NEO1: variants seen among roughly 807,000 people sequenced by gnomAD.
NEO1 encodes the protein neogenin.
In NEO1, 63 loss-of-function variants were observed where a neutral mutation model predicts 159.7. That is an observed-to-expected ratio of 0.39 (90% CI 0.32 to 0.49). NEO1 has a LOEUF of 0.49. Ranked by LOEUF, NEO1 falls within the 20% of genes least tolerant of loss-of-function variation. The pLI is 0.85. For missense variants in NEO1, 1,615 were observed against 1,831.0 expected, an observed-to-expected ratio of 0.88 and a Z score of 2.15; for synonymous variants, 633 against 662.0, an observed-to-expected ratio of 0.96 and a Z score of 0.67.
At chr15:73,175,049 A>G (rs1356730530) in intron 5 of NEO1, among the ~76,000 whole-genome samples, 1 of 152,024 alleles carries the variant, frequency 6.6e-6, no homozygotes, top group Non-Finnish European at 1.5e-5. Flanking sequence ...GCTAGTTTAG[A>G]TTTCTCTTCA....
rs779668898 is a variant in NEO1, at chr15:73,052,713, C to G, written c.38C>G (p.Thr13Ser). 6.6e-6 allele frequency: 9 copies of G among 1,361,764 alleles called. No homozygotes were observed. The highest frequency in any genetic ancestry group is 8.6e-6 in the Non-Finnish European group (9 of 1,049,712). 84.4% of individuals were successfully genotyped at this position (1,361,764 alleles called of 1,614,324 possible). ...AERGARRLLSTPSFWLYCLLL... is the reference protein window; with the variant it reads ...AERGARRLLSSPSFWLYCLLL... ...CGGGGAGCCCGGCGACTCCTCAGCA[C>G]CCCCTCCTTCTGGCTCTACTGCCTG... is the stretch of plus-strand genomic sequence containing the variant. Residue 13 changes from threonine to serine, a missense_variant, in exon 1 of 29, where the codon ACC (threonine) becomes AGC (serine). Physicochemically the swap from Thr to Ser is moderately conservative, Grantham distance 58. Coordinates refer to ENST00000261908, the MANE Select transcript of NEO1 (RefSeq NM_002499.4).
chr15:73,151,421 T>C (rs2033359699), intron 5 of NEO1, among the ~76,000 whole-genome samples: 1 of 152,212 alleles, frequency 6.6e-6, no homozygotes, highest in Non-Finnish European at 1.5e-5. Context: ...TTACATGTCT[T>C]TAGAAATAGT....
intron 5 of NEO1, among the ~76,000 whole-genome samples, chr15:73,140,959 G>A (rs1029455879): frequency 2.0e-5 from 3 of 152,142 alleles, no homozygotes; most frequent in South Asian, 4.2e-4. Context: ...TTGGAGAAGG[G>A]CAGAATCGTT....
At chr15:73,136,107 G>A in intron 5 of NEO1, 80 bp downstream of exon 5, 1 of 1,291,214 alleles carries the variant, frequency 7.7e-7, no homozygotes. Context: ...ATTAACATGG[G>A]CGAGGCAATA....
At chr15:73,298,789 T>G (rs1231425597) in intron 27 of NEO1, among the ~76,000 whole-genome samples, 178 bp downstream of exon 27, 1 of 152,234 alleles carries the variant, frequency 6.6e-6, no homozygotes, top group Non-Finnish European at 1.5e-5. Context: ...GTTTATGGCC[T>G]CCCCTTTTCT....
chr15:73,077,752 G>A (rs185231797), intron 1 of NEO1, among the ~76,000 whole-genome samples: 1 of 152,026 alleles, frequency 6.6e-6, no homozygotes, highest in African/African-American at 2.4e-5. Context: ...CATATCATAC[G>A]TAAAAATAAT....
chr15:73,065,596 G>A (rs1029326670), intron 1 of NEO1, among the ~76,000 whole-genome samples: 3 of 152,056 alleles, frequency 2.0e-5, no homozygotes, highest in African/African-American at 7.2e-5. Flanking sequence ...TGTGAGTAAT[G>A]TGCTTACCTC....
chr15:73,064,215 C>G (rs1195991704), intron 1 of NEO1, among the ~76,000 whole-genome samples: 1 of 152,180 alleles, frequency 6.6e-6, no homozygotes, highest in Non-Finnish European at 1.5e-5. Context: ...GGCAGTTCCA[C>G]TTTGTTCACA....
chr15:73,193,890 G>A (rs2036375043), intron 7 of NEO1, among the ~76,000 whole-genome samples: 1 of 152,022 alleles, frequency 6.6e-6, no homozygotes, highest in Non-Finnish European at 1.5e-5. Flanking sequence ...CGTGGCATGT[G>A]AGCCGAGCCT....
At chr15:73,288,022 G>A (rs556940108) in intron 23 of NEO1, among the ~76,000 whole-genome samples, 4 of 152,218 alleles carry the variant, frequency 2.6e-5, no homozygotes, top group Admixed American at 2.6e-4. Flanking sequence ...AATGAAAAAT[G>A]CTATCTTAAT....
In NEO1 at chr15:73,052,751, C is replaced by A. The variant is rs1026336787; in HGVS notation, c.76C>A (p.Arg26Ser). 4 of 1,270,550 alleles carry A rather than the reference C, an allele frequency of 3.1e-6. No individual in the cohort carries two copies. Among genetic ancestry groups the A allele is most frequent in the South Asian group, 2.1e-5 (1 of 48,502 alleles). 78.7% of individuals were successfully genotyped at this position (1,270,550 alleles called of 1,614,324 possible). A position where few individuals can be genotyped will look rare whatever the true frequency, so the allele number is the denominator to read the frequency against. The change falls in exon 1 of 29, where the codon CGC becomes AGC. Residue 26 changes from arginine (R) to serine (S), a missense_variant. Arg to Ser is a moderately radical substitution (Grantham distance 110). Around this residue, in one of 3 missense-constraint regions of NEO1, gnomAD observed 1,018 missense variants for 1,115.4 expected, o/e 0.91. Coordinates refer to ENST00000261908, the MANE Select transcript of NEO1 (RefSeq NM_002499.4). ...GCTCTACTGCCTGCTGCTGCTCGGG[C>A]GCCGGGCGCCGGGCGCCGCGGCCGC... ...FWLYCLLLLG[R>S]RAPGAAAARS... is the part of the protein sequence containing the mutation.
At chr15:73,249,241 T>C in intron 10 of NEO1, 33 bp downstream of exon 10, 1 of 1,609,932 alleles carries the variant, frequency 6.2e-7, no homozygotes, top group Non-Finnish European at 8.5e-7. Context: ...AAACCATTGA[T>C]TGGAATAGTA....
At chr15:73,211,147 A>G (rs2152087816) in intron 7 of NEO1, among the ~76,000 whole-genome samples, 1 of 152,360 alleles carries the variant, frequency 6.6e-6, no homozygotes, top group South Asian at 2.1e-4. Context: ...ACTTCTGGCC[A>G]TGACCGAATA....
chr15:73,295,519 A>G (rs768722737), intron 26 of NEO1, among the ~76,000 whole-genome samples: 1 of 151,498 alleles, frequency 6.6e-6, no homozygotes, highest in Non-Finnish European at 1.5e-5. Flanking sequence ...GTGATCTAGT[A>G]TTGGTAAGCA....
At chr15:73,125,978 G>C (rs559184188) in intron 3 of NEO1, among the ~76,000 whole-genome samples, 1 of 152,264 alleles carries the variant, frequency 6.6e-6, no homozygotes, top group South Asian at 2.1e-4. Flanking sequence ...ATCTTTCAAT[G>C]TGAATGGGAT....
chr15:73,153,518 A>T (rs1211086957), intron 5 of NEO1, among the ~76,000 whole-genome samples: 1 of 152,264 alleles, frequency 6.6e-6, no homozygotes, highest in Non-Finnish European at 1.5e-5. Flanking sequence ...ATCTGGGTCA[A>T]AGGGAACTAC....
intron 4 of NEO1, among the ~76,000 whole-genome samples, chr15:73,135,380 C>T (rs916125141): frequency 3.7e-4 from 56 of 152,154 alleles, no homozygotes; most frequent in African/African-American, 1.3e-3. Context: ...TCCTCTCTCT[C>T]CTAGATAAGC....
chr15:73,196,758 C>CATTT (rs1567451532), intron 7 of NEO1, among the ~76,000 whole-genome samples: 2 of 152,298 alleles, frequency 1.3e-5, no homozygotes, highest in South Asian at 4.1e-4. Flanking sequence ...GCTGGCAAAT[C>CATTT]CTATTAGGTT....
chr15:73,198,560 A>G (rs996586890), intron 7 of NEO1, among the ~76,000 whole-genome samples: 2 of 151,676 alleles, frequency 1.3e-5, no homozygotes, highest in Admixed American at 6.6e-5. Flanking sequence ...AAAGAATAAA[A>G]CCGCCAGTTT....
Sources: gnomAD v4.1 joint callset for allele counts (sites outside exome capture counted in the v4.1 genomes callset) on GRCh38, gnomAD v4.1.1 for gene constraint, gnomAD v4.1.1 regional missense constraint, MANE v1.5 for transcripts, NCBI Gene and HGNC (gene_info 2026-07-23, HGNC 2026-07-21) for gene names.